LRRC28: variants seen among roughly 807,000 people sequenced by gnomAD.
LRRC28 encodes the protein leucine rich repeat containing 28, also known as leucine-rich repeat-containing protein 28.
LRRC28 carries 39 observed loss-of-function variants against 45.7 expected under a neutral mutation model. The observed-to-expected ratio is 0.85, with a 90% CI of 0.66 to 1.12. The LOEUF (loss-of-function observed/expected upper bound fraction) is 1.12. LRRC28 is among the 50% of genes most tolerant of loss of function. The pLI, the probability that LRRC28 is intolerant of heterozygous loss-of-function variation, is 0.00. For synonymous variants in LRRC28, 206 were observed against 178.8 expected (o/e 1.15, Z -1.22); for missense variants, 435 against 438.5 (o/e 0.99, Z 0.07).
intron 9 of LRRC28, among the ~76,000 whole-genome samples, chr15:99,365,766 G>T (rs1957322459): frequency 6.6e-6 from 1 of 152,134 alleles, no homozygotes; most frequent in Non-Finnish European, 1.5e-5. Flanking sequence ...ACCAAATTCA[G>T]TGGAAGTGTT....
chr15:99,331,489 T>C (rs1481070311), intron 5 of LRRC28, among the ~76,000 whole-genome samples: 1 of 152,208 alleles, frequency 6.6e-6, no homozygotes. Flanking sequence ...ACTGCCTCTG[T>C]CCTAGTCAAA....
intron 9 of LRRC28, among the ~76,000 whole-genome samples, chr15:99,377,581 C>T (rs1957680406): frequency 6.6e-6 from 1 of 152,034 alleles, no homozygotes. Context: ...CTTTTGTTGC[C>T]ATTGCTTTTG....
At chr15:99,345,997 T>A (rs977047066) in intron 6 of LRRC28, among the ~76,000 whole-genome samples, 1 of 152,182 alleles carries the variant, frequency 6.6e-6, no homozygotes, top group Non-Finnish European at 1.5e-5. Flanking sequence ...TTTTATTTTT[T>A]TTTTAGCAGG....
rs534619717 is a variant in LRRC28, at chr15:99,324,864, G to A, written c.386-9059G>A. ...TGTGAAAAGAGTAGGATTCTACCAG[G>A]ATTCCAAAAAGAATGCATTGTAACT... is the stretch of plus-strand genomic sequence containing the variant. On this transcript the variant is annotated intron_variant, in intron 5 of 9. Coordinates refer to ENST00000301981, the MANE Select transcript of LRRC28 (RefSeq NM_144598.5). Among the ~76,000 whole-genome samples, 14 of 152,204 alleles carry A rather than the reference G, an allele frequency of 9.2e-5. No individual in the cohort carries two copies. The South Asian group carries it at 2.5e-3, about 27-fold the overall frequency.
intron 5 of LRRC28, among the ~76,000 whole-genome samples, chr15:99,308,207 T>A (rs747378221): frequency 6.6e-6 from 1 of 152,194 alleles, no homozygotes; most frequent in Non-Finnish European, 1.5e-5. Flanking sequence ...TTCTCGAGGC[T>A]CTGAGAGATT....
intron 3 of LRRC28, chr15:99,284,989 C>T (rs1187599505): frequency 1.6e-6 from 1 of 635,892 alleles, no homozygotes; most frequent in East Asian, 3.2e-5. Context: ...TTTCCAGAAT[C>T]ACTTCAGCCT....
chr15:99,286,439 T>A (rs915639109), intron 3 of LRRC28, among the ~76,000 whole-genome samples: 43 of 152,336 alleles, frequency 2.8e-4, no homozygotes, highest in Admixed American at 2.4e-3. Flanking sequence ...CCATAAAGAT[T>A]TATTTTTAAA....
intron 3 of LRRC28, among the ~76,000 whole-genome samples, chr15:99,283,354 C>T (rs1406559676): frequency 6.6e-6 from 1 of 150,756 alleles, no homozygotes; most frequent in African/African-American, 2.4e-5. Flanking sequence ...TGGCTCATGC[C>T]TGTAATCCCA....
chr15:99,337,268 A>C (rs1956356238), intron 6 of LRRC28, among the ~76,000 whole-genome samples: 1 of 152,338 alleles, frequency 6.6e-6, no homozygotes, highest in South Asian at 2.1e-4. Flanking sequence ...TTCCCATAGG[A>C]AGCTGACCAC....
chr15:99,329,517 G>A (rs920001810), intron 5 of LRRC28, among the ~76,000 whole-genome samples: 20 of 152,058 alleles, frequency 1.3e-4, no homozygotes, highest in African/African-American at 3.1e-4. Context: ...TAAAAATTTC[G>A]AGAGTTCTAA....
intron 3 of LRRC28, chr15:99,285,101 T>G: frequency 2.8e-6 from 2 of 703,996 alleles, no homozygotes; most frequent in South Asian, 2.7e-5. Flanking sequence ...GTGACAGTCT[T>G]ATCCACGAAG....
intron 3 of LRRC28, chr15:99,285,452 A>C (rs1018052702): frequency 2.4e-6 from 2 of 831,728 alleles, no homozygotes; most frequent in African/African-American, 3.3e-5. Flanking sequence ...ATGACCACAC[A>C]GTCCGTGAGC....
intron 9 of LRRC28, among the ~76,000 whole-genome samples, chr15:99,376,696 C>A (rs999323842): frequency 2.6e-5 from 4 of 152,006 alleles, no homozygotes; most frequent in Non-Finnish European, 5.9e-5. Flanking sequence ...CCTCCCACTT[C>A]CCCCCACCCC....
chr15:99,309,662 C>T lies in LRRC28; in HGVS notation c.385+21711C>T, dbSNP rs560881922. On this transcript the variant is annotated intron_variant, in intron 5 of 9. Transcript: ENST00000301981. ...GACTTCGTGATCTGCCTGCCTTGGC[C>T]TCCCAAAGTGCTGGGATTACAGGTG... 1.1e-3 allele frequency among the ~76,000 whole-genome samples: 162 copies of T among 152,340 alleles called. 1 individual carries two copies. The highest frequency in any genetic ancestry group is 3.6e-3 in the African/African-American group (150 of 41,576).
chr15:99,358,732 A>T (rs534835106), intron 7 of LRRC28, among the ~76,000 whole-genome samples: 4 of 152,186 alleles, frequency 2.6e-5, no homozygotes, highest in Admixed American at 2.6e-4. Context: ...GGAAAAAAAA[A>T]GCTATGTCCT....
intron 5 of LRRC28, among the ~76,000 whole-genome samples, chr15:99,328,831 C>T (rs1437104668): frequency 2.6e-5 from 4 of 151,406 alleles, no homozygotes; most frequent in Non-Finnish European, 5.9e-5. Context: ...ACACCAGCAG[C>T]CCGCCGGGTC....
chr15:99,268,586 C>G (rs779011181), intron 2 of LRRC28, among the ~76,000 whole-genome samples: 7 of 152,156 alleles, frequency 4.6e-5, no homozygotes, highest in Non-Finnish European at 1.0e-4. Context: ...AACTGTTAGT[C>G]CCATCGAATC....
intron 2 of LRRC28, among the ~76,000 whole-genome samples, chr15:99,271,791 G>A (rs912802127): frequency 1.3e-5 from 2 of 152,140 alleles, no homozygotes; most frequent in Admixed American, 1.3e-4. Flanking sequence ...TAGAGATGAG[G>A]TTTGACCATG....
chr15:99,298,425 ATC>A (rs2082320378), intron 5 of LRRC28, among the ~76,000 whole-genome samples: 1 of 152,170 alleles, frequency 6.6e-6, no homozygotes, highest in African/African-American at 2.4e-5. Flanking sequence ...TCTGAAAGGT[ATC>A]TGTCTCATAA....
Sources: gnomAD v4.1 joint callset for allele counts (sites outside exome capture counted in the v4.1 genomes callset) on GRCh38, gnomAD v4.1.1 for gene constraint, MANE v1.5 for transcripts, NCBI Gene and HGNC (gene_info 2026-07-23, HGNC 2026-07-21) for gene names.